MUC4: variants seen among roughly 807,000 people sequenced by gnomAD.
MUC4 encodes mucin-4.
MUC4 carries 202 observed loss-of-function variants against 257.9 expected under a neutral mutation model. That is an observed-to-expected ratio of 0.78 (90% confidence interval 0.70 to 0.88). The LOEUF is 0.88. Among genes scored for constraint, MUC4 ranks in the 40% least tolerant of loss-of-function variants. The probability of loss-of-function intolerance (pLI) is 0.00; values close to 1 mark genes in which losing one functional copy is unlikely to be tolerated. For missense variants in MUC4, 5,976 were observed against 6,513.7 expected (o/e 0.92, Z 2.84); for synonymous variants, 2,351 against 2,757.1 (o/e 0.85, Z 4.62).
chr3:195,804,917 C>T (rs2550255), intron 1 of MUC4, among the ~76,000 whole-genome samples: 82,559 of 151,870 alleles, frequency 0.54, 23,549 homozygotes, highest in East Asian at 0.75. Flanking sequence ...GAATAACAGA[C>T]CTCTTGTGAT....
chr3:195,775,240 G>A (rs1344708988), intron 3 of MUC4, among the ~76,000 whole-genome samples: 3 of 151,996 alleles, frequency 2.0e-5, no homozygotes, highest in Non-Finnish European at 4.4e-5. Context: ...GTCCTCCCTG[G>A]CTCCCGTTGC....
In MUC4 at chr3:195,781,101, G is replaced by C. The variant is rs1263443720; in HGVS notation, c.10479C>G (p.Ile3493Met). The change falls in exon 2 of 25, where the codon ATC becomes ATG. Residue 3493 changes from isoleucine (I) to methionine (M), a missense_variant. This residue lies in a region of MUC4 where 297 missense variants were observed against 240.9 expected (regional missense o/e 1.23). Transcript: ENST00000463781. ...TGHTTPLHVTIPSSASTGDTS... is the reference protein window; with the variant it reads ...TGHTTPLHVTMPSSASTGDTS... ...TGTCACCTGTGGATGCTGAGGAAGGGATGGTGACATGAAGAGGGGTGGTGT... is the reference window on the plus strand; with the variant it reads ...TGTCACCTGTGGATGCTGAGGAAGGCATGGTGACATGAAGAGGGGTGGTGT... The C allele has an allele frequency of 2.7e-6, 4 of 1,485,078 alleles. No homozygotes were observed. Among genetic ancestry groups the C allele is most frequent in the African/African-American group, 1.7e-5 (1 of 57,680 alleles). The allele number at this position is 1,485,078 out of a possible 1,614,324, so 92.0% of individuals were successfully genotyped here. A position where few individuals can be genotyped will look rare whatever the true frequency, so the allele number is the denominator to read the frequency against.
rs1733449157 is a variant in MUC4, at chr3:195,788,871, G to T, written c.2709C>A (p.Ala903=). ...SPSASPQETA[A]ISRMAQTQRT... is the part of the protein sequence containing the mutation. ...TCTGAGTCTGGGCCATCCGGGAAAT[G>T]GCGGCTGTCTCCTGAGGAGAGGCAC... The change falls in exon 2 of 25, where the codon GCC becomes GCA. Residue 903 remains alanine, a synonymous_variant. Transcript: ENST00000463781. The T allele has an allele frequency of 6.2e-7, 1 of 1,613,900 alleles. No homozygotes were observed. Among genetic ancestry groups the T allele is most frequent in the African/African-American group, 1.3e-5 (1 of 75,032 alleles).
intron 10 of MUC4, 138 bp from the exon 11 acceptor site, chr3:195,764,302 AGCTTGGC>A (rs1719932773): frequency 3.1e-6 from 3 of 982,164 alleles, no homozygotes; most frequent in African/African-American, 1.7e-5. Context: ...GTTGGTGGAG[AGCTTGGC>A]AGGGCAGGGC....
At position 195,786,423 on chromosome 3, in the gene MUC4, G is replaced by A; in HGVS notation, c.5157C>T (p.Ser1719=). ...QATPLPVTSL[S]SVSTGDTTPL... ...GCGTGGTGTCACCTGTGGATACTGAGGAAAGGCTGGTGACAGGAAGAGGGG... is the reference window on the plus strand; with the variant it reads ...GCGTGGTGTCACCTGTGGATACTGAAGAAAGGCTGGTGACAGGAAGAGGGG... Residue 1719 remains serine, a synonymous_variant, in exon 2 of 25, where the codon TCC becomes TCT. Coordinates refer to ENST00000463781, the MANE Select transcript of MUC4 (RefSeq NM_018406.7). The A allele has an allele frequency of 6.5e-7, 1 of 1,532,470 alleles. No individual in the cohort carries two copies. Among genetic ancestry groups the A allele is most frequent in the Non-Finnish European group, 8.8e-7 (1 of 1,135,980 alleles). The allele number at this position is 1,532,470 out of a possible 1,614,324, so 94.9% of individuals were successfully genotyped here.
Position 195,760,957 on chromosome 3 carries a change from G to A in MUC4, c.14775C>T (p.Ala4925=). ...GDSSCIYDTL[A]LRNASIGLHT... is the part of the protein sequence containing the mutation. ...GAAGTCCGATGCTTGCGTTGCGCAG[G>A]GCCAGGGTGTCATAGATGCATGAGC... Residue 4925 remains alanine (A), a synonymous_variant, in exon 16 of 25, where the codon GCC becomes GCT. Transcript: ENST00000463781. The A allele has an allele frequency of 1.2e-6, 2 of 1,614,216 alleles. No individual in the cohort carries two copies. The highest frequency in any genetic ancestry group is 2.2e-5 in the South Asian group (2 of 91,086).
In MUC4 at chr3:195,781,007, C is replaced by G; in HGVS notation, c.10573G>C (p.Asp3525His). The G allele has an allele frequency of 6.6e-7, 1 of 1,504,634 alleles. No homozygotes were observed. The highest frequency in any genetic ancestry group is 8.9e-7 in the Non-Finnish European group (1 of 1,118,620). The allele number at this position is 1,504,634 out of a possible 1,614,324, so 93.2% of individuals were successfully genotyped here. Residue 3525 changes from aspartate to histidine, a missense_variant, in exon 2 of 25, where the codon GAC becomes CAC. By Grantham distance (81) the Asp-to-His change is moderately conservative. This residue lies in a region of MUC4 where 297 missense variants were observed against 240.9 expected (regional missense o/e 1.23). Transcript: ENST00000463781. The part of the protein sequence containing the change: ...TGHATPLPVT[D>H]TSSVSTGHAT... ...TGACCGGTGGATACTGAGGAAGTGT[C>G]GGTGACAGGAAGAGGGGTGGCGTGA...
In MUC4 at chr3:195,782,901, G is replaced by A. The variant is rs1485188745; in HGVS notation, c.8679C>T (p.His2893=). The A allele has an allele frequency of 5.5e-5, 83 of 1,513,604 alleles. 2 individuals are homozygous for A. Among genetic ancestry groups the A allele is most frequent in the East Asian group, 1.5e-4 (6 of 40,536 alleles). The allele number at this position is 1,513,604 out of a possible 1,614,324, so 93.8% of individuals were successfully genotyped here. The change falls in exon 2 of 25, where the codon CAC becomes CAT. Residue 2893 remains histidine (H), a synonymous_variant. Coordinates refer to ENST00000463781, the MANE Select transcript of MUC4 (RefSeq NM_018406.7). ...VTDASSVSTG[H]ATPLPLTSLS... ...GGCTGGTGAGAGGAAGAGGGGTAGC[G>A]TGACCTGTGGACACTGAGGAAGCGT...
At position 195,786,648 on chromosome 3, in the gene MUC4, A is replaced by G. The variant is rs201585392; in HGVS notation, c.4932T>C (p.Gly1644=). Residue 1644 remains glycine, a synonymous_variant, in exon 2 of 25, where the codon GGT becomes GGC. Transcript: ENST00000463781. The part of the protein sequence containing the change: ...PVTNASSLST[G]HATPLHVTSP... ...TGGTGACATGAAGAGGGGTGGCGTG[A>G]CCTGTGGATAATGAGGAAGCATTGG... The G allele has an allele frequency of 4.6e-5, 59 of 1,287,404 alleles. 1 individual carries two copies. Among genetic ancestry groups the G allele is most frequent in the South Asian group, 1.0e-4 (7 of 67,510 alleles). 79.7% of individuals were successfully genotyped at this position (1,287,404 alleles called of 1,614,324 possible). A position where few individuals can be genotyped will look rare whatever the true frequency, so the allele number is the denominator to read the frequency against.
chr3:195,775,424 C>CGG (rs1724227034), intron 3 of MUC4, among the ~76,000 whole-genome samples: 2 of 17,830 alleles, frequency 1.1e-4, no homozygotes, highest in South Asian at 1.4e-3. Flanking sequence ...ACCTTCCACA[C>CGG]CCATACCTTC....
At chr3:195,796,479 G>A (rs1412856290) in intron 1 of MUC4, among the ~76,000 whole-genome samples, 2 of 152,160 alleles carry the variant, frequency 1.3e-5, no homozygotes, top group African/African-American at 4.8e-5. Context: ...TTGGGAGGGT[G>A]AGGCAGGCGG....
Position 195,789,743 on chromosome 3 carries a change from C to T in MUC4, c.1837G>A (p.Ala613Thr), listed in dbSNP as rs778098943. The T allele has an allele frequency of 3.1e-6, 5 of 1,613,820 alleles. No homozygotes were observed. Among genetic ancestry groups the T allele is most frequent in the Non-Finnish European group, 4.2e-6 (5 of 1,179,836 alleles). The change falls in exon 2 of 25, where the codon GCA becomes ACA. Residue 613 changes from alanine to threonine, a missense_variant. Ala to Thr is a moderately conservative substitution (Grantham distance 58). Coordinates refer to ENST00000463781, the MANE Select transcript of MUC4 (RefSeq NM_018406.7). ...ATTGTTGAATGATTTGTTGATGGTG[C>T]CGTTGTAATTTGTTGGGATGTGTGT... ...DRHTSQQITT[A>T]PSTNHSTIHS...
chr3:195,793,326 G>A (rs1451188124), intron 1 of MUC4, among the ~76,000 whole-genome samples: 4 of 151,600 alleles, frequency 2.6e-5, no homozygotes, highest in Non-Finnish European at 1.5e-5. Context: ...GCAAAACCCC[G>A]TCTCTACTAG....
rs531198585 is a variant in MUC4 at position 195,767,441 on chromosome 3, TCAC to T, written c.13530-693_13530-691del. Among the ~76,000 whole-genome samples, 180 of 96,358 alleles carry T rather than the reference TCAC, an allele frequency of 1.9e-3. 1 individual carries two copies. Among genetic ancestry groups the T allele is most frequent in the Non-Finnish European group, 2.7e-3 (118 of 44,254 alleles). The allele number at this position is 96,358 out of a possible 152,430, so 63.2% of individuals were successfully genotyped here. A position where few individuals can be genotyped will look rare whatever the true frequency, so the allele number is the denominator to read the frequency against. On this transcript the variant is annotated intron_variant, in intron 7 of 24. Transcript: ENST00000463781. ...ACCAACACTACCATCACCATCACCATCACCACCACCACCACCAACACTACCACC... is the reference window on the plus strand; with the variant it reads ...ACCAACACTACCATCACCATCACCATCACCACCACCACCAACACTACCACC...
Position 195,807,984 on chromosome 3 carries a change from G to A in MUC4, c.82+3752C>T, listed in dbSNP as rs577835458. On this transcript the variant is annotated intron_variant, in intron 1 of 24. Transcript: ENST00000463781. ...AGGGAGCGGTGAGGCAGAGCTGTCC[G>A]CTGGAGCGAGCCCCTGCTCTAGGGC... Among the ~76,000 whole-genome samples the A allele has an allele frequency of 8.5e-5, 13 of 152,330 alleles. 1 individual carries two copies. The South Asian group carries it at 2.3e-3, about 27-fold the overall frequency.
chr3:195,747,453 GGAA>G, intron 24 of MUC4, 73 bp from the exon 25 acceptor site: 1 of 1,495,592 alleles, frequency 6.7e-7, no homozygotes, highest in South Asian at 1.2e-5. Context: ...CTTCTGCTGG[GGAA>G]GAAGAGGTTC....
Position 195,790,472 on chromosome 3 carries a change from A to C in MUC4, c.1108T>G (p.Phe370Val), listed in dbSNP as rs754057589. The C allele has an allele frequency of 4.3e-5, 70 of 1,613,880 alleles. No individual in the cohort carries two copies. Among genetic ancestry groups the C allele is most frequent in the Non-Finnish European group, 5.4e-5 (64 of 1,179,880 alleles). Reference sequence around the variant, plus strand: ...GAGGTGGTTGTTTCACCAGAAGGGAATGTCTCCTGAGAAACTGTTCCACTT... The same window carrying C: ...GAGGTGGTTGTTTCACCAGAAGGGACTGTCTCCTGAGAAACTGTTCCACTT... ...NPSGTVSQET[F>V]PSGETTTSSP... The change falls in exon 2 of 25, where the codon TTC becomes GTC. Residue 370 changes from phenylalanine (F) to valine (V), a missense_variant. Phe to Val is a conservative substitution (Grantham distance 50). Around this residue, in one of 44 missense-constraint regions of MUC4, gnomAD observed 1,583 missense variants for 1,257.4 expected, o/e 1.26. Transcript: ENST00000463781.
intron 3 of MUC4, among the ~76,000 whole-genome samples, chr3:195,776,687 TTACCTTCCACACCC>T (rs1724851995): frequency 8.6e-4 from 1 of 1,160 alleles, no homozygotes; most frequent in Non-Finnish European, 1.5e-3. Context: ...TTCCACACCC[TTACCTTCCACACCC>T]ATACCTTCCA....
chr3:195,758,608 G>C lies in MUC4; in HGVS notation c.14986+516C>G, dbSNP rs113622737. On this transcript the variant is annotated intron_variant, in intron 17 of 24. Coordinates refer to ENST00000463781, the MANE Select transcript of MUC4 (RefSeq NM_018406.7). The stretch of plus-strand genomic sequence containing the variant: ...AGACAGAGTCTCGCTCTGTCACCAG[G>C]CTGGAGTGCAGTGACGCGATCTCAG... 9.3e-3 allele frequency among the ~76,000 whole-genome samples: 1,292 copies of C among 138,938 alleles called. 32 individuals carry two copies. The highest frequency in any genetic ancestry group is 0.036 in the African/African-American group (1,242 of 34,710). 91.1% of individuals were successfully genotyped at this position (138,938 alleles called of 152,430 possible).
Sources: allele counts gnomAD v4.1 joint callset (sites outside exome capture counted in the v4.1 genomes callset), GRCh38; gene constraint gnomAD v4.1.1; regional missense constraint gnomAD v4.1.1; transcripts MANE v1.5; gene names NCBI Gene and HGNC (gene_info 2026-07-23, HGNC 2026-07-21).